The following ASAP1 variants were observed in gnomAD, a reference collection of about 807,000 sequenced individuals.
ASAP1 encodes the protein arf-GAP with SH3 domain, ANK repeat and PH domain-containing protein 1.
Under a neutral mutation model 145.2 loss-of-function variants are expected in ASAP1, and 43 were observed. That is an observed-to-expected ratio of 0.30 (90% confidence interval 0.23 to 0.38). The LOEUF (loss-of-function observed/expected upper bound fraction) is 0.38. Among genes scored for constraint, ASAP1 ranks in the 10% least tolerant of loss-of-function variants. ASAP1 has a pLI of 1.00. For synonymous variants in ASAP1, 546 were observed against 515.5 expected, an observed-to-expected ratio of 1.06 and a Z score of -0.80; for missense variants, 1,018 against 1,355.3, an observed-to-expected ratio of 0.75 and a Z score of 3.91.
At chr8:130,170,975 C>T (rs149920029) in intron 9 of ASAP1, among the ~76,000 whole-genome samples, 11 of 152,272 alleles carry the variant, frequency 7.2e-5, no homozygotes, top group Admixed American at 7.2e-4. Context: ...CTTGGTCTCC[C>T]GAAGTGCTGA....
chr8:130,124,680 C>A (rs2097572147), intron 17 of ASAP1, among the ~76,000 whole-genome samples: 1 of 152,144 alleles, frequency 6.6e-6, no homozygotes, highest in Admixed American at 6.5e-5. Flanking sequence ...TCTGAAGGGC[C>A]TCTAATCATT....
At position 130,112,084 on chromosome 8, in the gene ASAP1, A is replaced by G. The variant is rs1038252108; in HGVS notation, c.2401+10T>C. On this transcript the variant is annotated intron_variant, in intron 24 of 29. Coordinates refer to ENST00000518721, the MANE Select transcript of ASAP1 (RefSeq NM_018482.4). ...AGGATGGAGTCACAAGCCCTTCTCAAAGCCCATACCTTTCCCGGCGTTCCT... is the reference window on the plus strand; with the variant it reads ...AGGATGGAGTCACAAGCCCTTCTCAGAGCCCATACCTTTCCCGGCGTTCCT... 1 of 1,610,992 alleles carries G rather than the reference A, an allele frequency of 6.2e-7. No homozygotes were observed. Among genetic ancestry groups the G allele is most frequent in the Non-Finnish European group, 8.5e-7 (1 of 1,177,436 alleles).
chr8:130,100,643 T>C (rs1218700438), intron 24 of ASAP1, among the ~76,000 whole-genome samples: 3 of 152,198 alleles, frequency 2.0e-5, no homozygotes, highest in Non-Finnish European at 4.4e-5. Context: ...CTTCTTCTTT[T>C]GAGAAATGTC....
At position 130,206,636 on chromosome 8, in the gene ASAP1, C is replaced by T. The variant is rs144993206; in HGVS notation, c.405+7920G>A. On this transcript the variant is annotated intron_variant, in intron 5 of 29. Transcript: ENST00000518721. Reference sequence around the variant, plus strand: ...AGCTATAGAATTGTCCAAAGGCCTCCGGAGAGAAGAAACCAGATGCATGGT... The same window carrying T: ...AGCTATAGAATTGTCCAAAGGCCTCTGGAGAGAAGAAACCAGATGCATGGT... 1.2e-3 allele frequency among the ~76,000 whole-genome samples: 185 copies of T among 152,224 alleles called. 1 individual carries two copies. The highest frequency in any genetic ancestry group is 4.1e-3 in the African/African-American group (171 of 41,530).
chr8:130,280,080 T>C (rs891534366), intron 3 of ASAP1, among the ~76,000 whole-genome samples: 20 of 152,198 alleles, frequency 1.3e-4, no homozygotes, highest in African/African-American at 4.6e-4. Flanking sequence ...AGAGGTAGTG[T>C]TCTTGACTAT....
intron 3 of ASAP1, among the ~76,000 whole-genome samples, chr8:130,268,189 A>G (rs1242737238): frequency 6.6e-6 from 1 of 152,156 alleles, no homozygotes; most frequent in Non-Finnish European, 1.5e-5. Context: ...GTGGCCCTCA[A>G]AATAAGACTG....
Position 130,443,549 on chromosome 8 carries a change from AAGC to A in ASAP1, c.-120_-118del, listed in dbSNP as rs1830567917. 1 of 150,748 alleles carries A rather than the reference AAGC, an allele frequency of 6.6e-6. No individual in the cohort carries two copies. The highest frequency in any genetic ancestry group is 1.5e-5 in the Non-Finnish European group (1 of 67,614). 9.3% of individuals were successfully genotyped at this position (150,748 alleles called of 1,614,324 possible). On this transcript the variant is annotated 5_prime_UTR_variant, in exon 1 of 30. Transcript: ENST00000518721. The stretch of plus-strand genomic sequence containing the variant: ...GGTGGGAAAGCGAACTGCGACCGGG[AAGC>A]GCCGGCTGGGCGGGAGGCGCGGGCC...
chr8:130,437,582 T>A (rs1369668350), intron 1 of ASAP1, among the ~76,000 whole-genome samples: 2 of 152,172 alleles, frequency 1.3e-5, no homozygotes, highest in African/African-American at 2.4e-5. Flanking sequence ...GCACCCTTTT[T>A]ACATTTCTAC....
At chr8:130,367,495 T>C (rs911722871) in intron 2 of ASAP1, among the ~76,000 whole-genome samples, 4 of 152,176 alleles carry the variant, frequency 2.6e-5, no homozygotes, top group Non-Finnish European at 5.9e-5. Context: ...TGATAAATGG[T>C]AGCTATTTGT....
intron 3 of ASAP1, among the ~76,000 whole-genome samples, chr8:130,281,531 A>G (rs1159611599): frequency 6.6e-6 from 1 of 152,220 alleles, no homozygotes; most frequent in Non-Finnish European, 1.5e-5. Context: ...TAAATCTACA[A>G]CTAAGTACTG....
intron 2 of ASAP1, among the ~76,000 whole-genome samples, 165 bp downstream of exon 2, chr8:130,401,720 T>C (rs1222351290): frequency 2.0e-5 from 3 of 152,220 alleles, no homozygotes; most frequent in Non-Finnish European, 2.9e-5. Flanking sequence ...AGTCTACACC[T>C]GTACAAATGC....
chr8:130,278,297 GT>G (rs1821044370), intron 3 of ASAP1, among the ~76,000 whole-genome samples: 1 of 152,128 alleles, frequency 6.6e-6, no homozygotes, highest in Admixed American at 6.5e-5. Context: ...ACAGAAAGCT[GT>G]AGTCACATCC....
chr8:130,419,486 G>A (rs1031791882), intron 1 of ASAP1, among the ~76,000 whole-genome samples: 2 of 152,142 alleles, frequency 1.3e-5, no homozygotes, highest in South Asian at 2.1e-4. Context: ...GGCTGCAGCC[G>A]ATCTCACTAC....
Position 130,112,593 on chromosome 8 carries a change from G to A in ASAP1, c.2173-271C>T, listed in dbSNP as rs907342162. Among the ~76,000 whole-genome samples the A allele has an allele frequency of 2.0e-5, 3 of 152,204 alleles. No individual in the cohort carries two copies. The East Asian group carries it at 5.8e-4, about 29-fold the overall frequency. ...GTGTCAGAAGCACAGTAAGGTCACA[G>A]GTAGATTTAACTTTTAATAAGCAAA... On this transcript the variant is annotated intron_variant, in intron 23 of 29. Transcript: ENST00000518721.
intron 5 of ASAP1, among the ~76,000 whole-genome samples, chr8:130,207,350 A>G (rs1333827906): frequency 6.6e-6 from 1 of 152,222 alleles, no homozygotes; most frequent in Non-Finnish European, 1.5e-5. Context: ...GTTTTTAAAA[A>G]TGTCATTATC....
chr8:130,086,835 T>TGGGG (rs1219696750), intron 25 of ASAP1, among the ~76,000 whole-genome samples: 1 of 152,098 alleles, frequency 6.6e-6, no homozygotes, highest in East Asian at 1.9e-4. Flanking sequence ...TATGAAGGCA[T>TGGGG]GAAATGGAAT....
intron 15 of ASAP1, among the ~76,000 whole-genome samples, chr8:130,131,958 G>A (rs537596220): frequency 6.6e-6 from 1 of 152,296 alleles, no homozygotes; most frequent in South Asian, 2.1e-4. Context: ...AAATATTGAA[G>A]ATCTGAGTTT....
At chr8:130,256,777 ATAT>A in intron 3 of ASAP1, among the ~76,000 whole-genome samples, 1 of 123,544 alleles carries the variant, frequency 8.1e-6, no homozygotes, top group Non-Finnish European at 1.8e-5. Flanking sequence ...ATATATATAT[ATAT>A]ATCCTTATAT....
chr8:130,220,542 G>A, intron 4 of ASAP1, among the ~76,000 whole-genome samples: 1 of 152,130 alleles, frequency 6.6e-6, no homozygotes, highest in East Asian at 1.9e-4. Flanking sequence ...AAGCAATTAA[G>A]AAACAGCAAG....
Sources: allele counts gnomAD v4.1 joint callset (sites outside exome capture counted in the v4.1 genomes callset), GRCh38; gene constraint gnomAD v4.1.1; transcripts MANE v1.5; gene names NCBI Gene and HGNC (gene_info 2026-07-23, HGNC 2026-07-21).